The following VPS9D1 variants were observed in gnomAD, a reference collection of about 807,000 sequenced individuals.
The protein encoded by VPS9D1 is VPS9 domain containing 1.
In VPS9D1, 78 loss-of-function variants were observed where a neutral mutation model predicts 75.8. The ratio of observed to expected loss-of-function variants is 1.03; its 90% CI spans 0.86 to 1.24. VPS9D1 has a LOEUF of 1.24. Ranked by LOEUF, VPS9D1 falls within the 50% of genes most tolerant of loss-of-function variation. The pLI is 0.00. For synonymous variants in VPS9D1, 481 were observed against 385.6 expected (o/e 1.25, Z -2.90); for missense variants, 1,057 against 847.7 (o/e 1.25, Z -3.07).
At chr16:89,720,400 A>G in intron 1 of VPS9D1, 1 of 1,005,182 alleles carries the variant, frequency 9.9e-7, no homozygotes, top group Non-Finnish European at 1.2e-6. Flanking sequence ...CAACCGGATT[A>G]AATCTACCAT....
At chr16:89,718,057 C>T in intron 2 of VPS9D1, 1 of 452,064 alleles carries the variant, frequency 2.2e-6, no homozygotes, top group Non-Finnish European at 4.5e-6. Flanking sequence ...CGTCCAGTGG[C>T]TCCCCCTGAC....
At chr16:89,719,173 G>T in intron 1 of VPS9D1, 71 bp from the exon 2 acceptor site, 4 of 1,433,542 alleles carry the variant, frequency 2.8e-6, no homozygotes, top group Non-Finnish European at 2.0e-6. Flanking sequence ...CCGGCCAGGT[G>T]CCCTTGTGGG....
chr16:89,708,450 G>A lies in VPS9D1; in HGVS notation c.1779C>T (p.Ala593=). The part of the protein sequence containing the change: ...GLPQLVSECA[A]LEEFIHEGYL... ...ACCCCTCGTGGATGAACTCCTCCAG[G>A]GCCGCGCACTCCGACACCAGCTGAG... The change falls in exon 14 of 15, where the codon GCC becomes GCT. Residue 593 remains alanine (A), a synonymous_variant. Coordinates refer to ENST00000389386, the MANE Select transcript of VPS9D1 (RefSeq NM_004913.3). The A allele has an allele frequency of 6.2e-7, 1 of 1,612,646 alleles. No individual in the cohort carries two copies. The highest frequency in any genetic ancestry group is 8.5e-7 in the Non-Finnish European group (1 of 1,179,802).
Position 89,712,526 on chromosome 16 carries a change from G to A in VPS9D1, c.544-4C>T, listed in dbSNP as rs766303373. The A allele has an allele frequency of 8.7e-6, 14 of 1,612,338 alleles. No homozygotes were observed. Among genetic ancestry groups the A allele is most frequent in the South Asian group, 2.2e-5 (2 of 91,064 alleles). Reference sequence around the variant, plus strand: ...TCTGCCGCTGTAGAGAGAGGGTCTGGGGGGGGAGGAGGGAGTAAGGCCGAC... The same window carrying A: ...TCTGCCGCTGTAGAGAGAGGGTCTGAGGGGGGAGGAGGGAGTAAGGCCGAC... On this transcript the variant is annotated splice_polypyrimidine_tract_variant and splice_region_variant and intron_variant, in intron 5 of 14. Coordinates refer to ENST00000389386, the MANE Select transcript of VPS9D1 (RefSeq NM_004913.3).
At chr16:89,709,560 G>A (rs996121432) in intron 11 of VPS9D1, 125 bp from the exon 12 acceptor site, 12 of 1,291,540 alleles carry the variant, frequency 9.3e-6, no homozygotes, top group Middle Eastern at 2.8e-4. Context: ...AAGCCCCAGC[G>A]TTGCCAAGAC....
At chr16:89,720,104 C>T (rs1420865773) in intron 1 of VPS9D1, among the ~76,000 whole-genome samples, 1 of 152,174 alleles carries the variant, frequency 6.6e-6, no homozygotes, top group African/African-American at 2.4e-5. Flanking sequence ...AAATATAATC[C>T]AGGCAGGATT....
At chr16:89,712,549 G>A in intron 5 of VPS9D1, 27 bp from the exon 6 acceptor site, 1 of 1,610,484 alleles carries the variant, frequency 6.2e-7, no homozygotes, top group Admixed American at 1.7e-5. Flanking sequence ...GAGTAAGGCC[G>A]ACTCCCCTCT....
In VPS9D1 at chr16:89,712,617, C is replaced by T. The variant is rs1174982841; in HGVS notation, c.531G>A (p.Gln177=). Reference sequence around the variant, plus strand: ...AGCCCCCACTCACCAGGGATGTCTTCTGCATGGCCTGGCTGGGGTCTAGCC... The same window carrying T: ...AGCCCCCACTCACCAGGGATGTCTTTTGCATGGCCTGGCTGGGGTCTAGCC... ...MARLDPSQAM[Q]KTSLTLSLQR... is the part of the protein sequence containing the mutation. The change falls in exon 5 of 15, where the codon CAG becomes CAA. Residue 177 remains glutamine (Q), a synonymous_variant. Coordinates refer to ENST00000389386, the MANE Select transcript of VPS9D1 (RefSeq NM_004913.3). 3.1e-6 allele frequency: 5 copies of T among 1,609,918 alleles called. No homozygotes were observed. The highest frequency in any genetic ancestry group is 1.7e-4 in the Middle Eastern group (1 of 5,980).
intron 9 of VPS9D1, 136 bp from the exon 10 acceptor site, chr16:89,711,146 GCCCC>G: frequency 8.3e-7 from 1 of 1,201,082 alleles, no homozygotes; most frequent in Non-Finnish European, 1.1e-6. Flanking sequence ...TCTGCCCCCC[GCCCC>G]CGCTGGGGAG....
chr16:89,708,801 CA>C, intron 13 of VPS9D1, 55 bp downstream of exon 13: 1 of 1,483,160 alleles, frequency 6.7e-7, no homozygotes, highest in Non-Finnish European at 9.0e-7. Context: ...CTCCCGTGAC[CA>C]TTGCCTTTCT....
At chr16:89,719,762 A>C (rs895884343) in intron 1 of VPS9D1, among the ~76,000 whole-genome samples, 1 of 152,180 alleles carries the variant, frequency 6.6e-6, no homozygotes, top group African/African-American at 2.4e-5. Flanking sequence ...TCTGTCGCCC[A>C]GGCTGGAGTG....
chr16:89,714,509 G>C (rs955415734), intron 4 of VPS9D1, among the ~76,000 whole-genome samples: 5 of 152,216 alleles, frequency 3.3e-5, no homozygotes, highest in South Asian at 4.1e-4. Flanking sequence ...GGAGGACAAG[G>C]AGGAAAGTCA....
In VPS9D1 at chr16:89,709,655, G is replaced by A; in HGVS notation, c.1388+122C>T. On this transcript the variant is annotated intron_variant, in intron 11 of 14. Transcript: ENST00000389386. The stretch of plus-strand genomic sequence containing the variant: ...CTCAGGGTAAAGCACAGGCTAGGGG[G>A]AGCAAACACGAGTCTTGGGGATGGA... The A allele has an allele frequency of 3.3e-6, 5 of 1,502,096 alleles. No homozygotes were observed. In the South Asian group the frequency reaches 3.7e-5, roughly 11 times the overall value. 93.0% of individuals were successfully genotyped at this position (1,502,096 alleles called of 1,614,324 possible).
At position 89,712,651 on chromosome 16, in the gene VPS9D1, C is replaced by T; in HGVS notation, c.497G>A (p.Arg166Gln). The T allele has an allele frequency of 6.2e-7, 1 of 1,612,110 alleles. No homozygotes were observed. The highest frequency in any genetic ancestry group is 8.5e-7 in the Non-Finnish European group (1 of 1,178,950). Residue 166 changes from arginine to glutamine, a missense_variant, in exon 5 of 15, where the codon CGA becomes CAA. Physicochemically the swap from Arg to Gln is conservative, Grantham distance 43. Transcript: ENST00000389386. ...NQKLKAAYEA[R>Q]MARLDPSQAM... ...CTGGCTGGGGTCTAGCCGCGCCATTCGGGCCTCATACGCAGCCTTCAGCTT... is the reference window on the plus strand; with the variant it reads ...CTGGCTGGGGTCTAGCCGCGCCATTTGGGCCTCATACGCAGCCTTCAGCTT...
At chr16:89,718,713 T>G (rs1263072267) in intron 2 of VPS9D1, among the ~76,000 whole-genome samples, 1 of 147,476 alleles carries the variant, frequency 6.8e-6, no homozygotes, top group Non-Finnish European at 1.5e-5. Flanking sequence ...TTTTTCTTTT[T>G]CTTTTCTTTT....
intron 2 of VPS9D1, among the ~76,000 whole-genome samples, chr16:89,718,775 G>C (rs932115414): frequency 6.6e-6 from 1 of 151,668 alleles, no homozygotes; most frequent in Non-Finnish European, 1.5e-5. Flanking sequence ...AGTACAATGG[G>C]GTGATCTCGG....
chr16:89,712,204 G>T, intron 6 of VPS9D1, 105 bp from the exon 7 acceptor site: 1 of 1,488,482 alleles, frequency 6.7e-7, no homozygotes, highest in Non-Finnish European at 9.1e-7. Flanking sequence ...ACCTCCTCTC[G>T]GTGAGGGGCT....
intron 2 of VPS9D1, chr16:89,718,122 G>A (rs890736611): frequency 1.3e-5 from 6 of 451,504 alleles, no homozygotes; most frequent in Non-Finnish European, 2.2e-5. Context: ...TTTGTGCAGC[G>A]GCTGCTGGCC....
At position 89,711,027 on chromosome 16, in the gene VPS9D1, C is replaced by T. The variant is rs1249265455; in HGVS notation, c.834-17G>A. 3.5e-6 allele frequency: 5 copies of T among 1,435,684 alleles called. No homozygotes were observed. Among genetic ancestry groups the T allele is most frequent in the Admixed American group, 2.8e-5 (1 of 35,122 alleles). The allele number at this position is 1,435,684 out of a possible 1,614,324, so 88.9% of individuals were successfully genotyped here. On this transcript the variant is annotated splice_polypyrimidine_tract_variant and intron_variant, in intron 9 of 14. Transcript: ENST00000389386. ...TCGGGGAGGCTGCGGGAGAAGAGGA[C>T]GTGAGAACGCGGCCAGCCTCGGCCT...
Sources: gnomAD v4.1 joint callset for allele counts (sites outside exome capture counted in the v4.1 genomes callset) on GRCh38, gnomAD v4.1.1 for gene constraint, MANE v1.5 for transcripts, NCBI Gene and HGNC (gene_info 2026-07-23, HGNC 2026-07-21) for gene names.